TLL2: variants seen among roughly 807,000 people sequenced by gnomAD.
TLL2 encodes tolloid-like protein 2.
A neutral mutation model predicts 123.0 loss-of-function variants in TLL2; 106 were observed. The observed-to-expected ratio is 0.86, with a 90% CI of 0.74 to 1.01. The LOEUF is 1.01. Ranked by LOEUF, TLL2 falls within the 50% of genes least tolerant of loss-of-function variation. The pLI, the probability that TLL2 is intolerant of heterozygous loss-of-function variation, is 0.00. For missense variants in TLL2, 1,332 were observed against 1,336.7 expected (o/e 1.00, Z 0.06); for synonymous variants, 494 against 516.8 (o/e 0.96, Z 0.60).
intron 1 of TLL2, among the ~76,000 whole-genome samples, chr10:96,499,352 G>A (rs1213027182): frequency 6.6e-6 from 1 of 152,124 alleles, no homozygotes; most frequent in Non-Finnish European, 1.5e-5. Context: ...AGGTGGGGGT[G>A]GCTTCCTCCT....
At chr10:96,402,345 A>G (rs1387097255) in intron 10 of TLL2, among the ~76,000 whole-genome samples, 4 of 152,198 alleles carry the variant, frequency 2.6e-5, no homozygotes, top group Admixed American at 1.3e-4. Flanking sequence ...GCCCTTTTAT[A>G]TAAAGGTAAA....
chr10:96,468,354 C>G (rs1418806688), intron 2 of TLL2, among the ~76,000 whole-genome samples: 1 of 152,200 alleles, frequency 6.6e-6, no homozygotes, highest in Non-Finnish European at 1.5e-5. Context: ...ATGACAGAGG[C>G]TCCAGCAGGC....
intron 3 of TLL2, among the ~76,000 whole-genome samples, chr10:96,441,089 CT>C (rs1846846421): frequency 6.6e-6 from 1 of 152,206 alleles, no homozygotes; most frequent in South Asian, 2.1e-4. Context: ...GAGCCCTGTC[CT>C]CTCTGAAAGA....
At chr10:96,439,912 A>T (rs1846834902) in intron 3 of TLL2, among the ~76,000 whole-genome samples, 2 of 152,166 alleles carry the variant, frequency 1.3e-5, no homozygotes, top group African/African-American at 4.8e-5. Context: ...GCCAACTTTT[A>T]AAAATCAAGG....
At chr10:96,461,056 T>G (rs541212922) in intron 2 of TLL2, among the ~76,000 whole-genome samples, 1 of 152,198 alleles carries the variant, frequency 6.6e-6, no homozygotes, top group African/African-American at 2.4e-5. Flanking sequence ...GATAATCATA[T>G]AGAAGACGTT....
intron 2 of TLL2, among the ~76,000 whole-genome samples, chr10:96,447,438 A>T (rs1846906484): frequency 6.6e-6 from 1 of 152,220 alleles, no homozygotes; most frequent in Non-Finnish European, 1.5e-5. Context: ...CAAGTGTCCG[A>T]GTGAGACAGG....
At chr10:96,463,632 G>C (rs1360451475) in intron 2 of TLL2, among the ~76,000 whole-genome samples, 1 of 152,136 alleles carries the variant, frequency 6.6e-6, no homozygotes, top group East Asian at 1.9e-4. Context: ...AGGGGGAGGG[G>C]GACACTGGGG....
At chr10:96,477,663 C>T (rs1032894420) in intron 2 of TLL2, among the ~76,000 whole-genome samples, 2 of 152,166 alleles carry the variant, frequency 1.3e-5, no homozygotes, top group African/African-American at 4.8e-5. Flanking sequence ...TTTTCATCCT[C>T]GCAGCATTAC....
At chr10:96,435,035 C>CTTT (rs34593980) in intron 3 of TLL2, among the ~76,000 whole-genome samples, 2 of 130,450 alleles carry the variant, frequency 1.5e-5, no homozygotes, top group Non-Finnish European at 3.3e-5. Context: ...TTTTTTTTTT[C>CTTT]TTTTTTTTTT....
Position 96,365,631 on chromosome 10 carries a change from T to C in TLL2, c.*2457A>G, listed in dbSNP as rs536013127. On this transcript the variant is annotated 3_prime_UTR_variant, in exon 21 of 21. Coordinates refer to ENST00000357947, the MANE Select transcript of TLL2 (RefSeq NM_012465.4). Reference sequence around the variant, plus strand: ...TGCTTGCAGGCAGGTCACTGATAATTGGAAGCACCAAGGCAGAGGCCTGGG... The same window carrying C: ...TGCTTGCAGGCAGGTCACTGATAATCGGAAGCACCAAGGCAGAGGCCTGGG... 2 of 152,388 alleles carry C rather than the reference T, an allele frequency of 1.3e-5. No homozygotes were observed. The highest frequency in any genetic ancestry group is 3.9e-4 in the East Asian group (2 of 5,192). The allele number at this position is 152,388 out of a possible 1,614,324, so 9.4% of individuals were successfully genotyped here.
chr10:96,510,105 C>T (rs1321726046), intron 1 of TLL2, among the ~76,000 whole-genome samples: 8 of 152,230 alleles, frequency 5.3e-5, no homozygotes, highest in South Asian at 2.1e-4. Flanking sequence ...GTGAGTAAGG[C>T]GGGGCAGGGT....
Position 96,386,121 on chromosome 10 carries a change from C to T in TLL2, c.1947G>A (p.Gln649=). The stretch of plus-strand genomic sequence containing the variant: ...TCCGGTACTGAGCGGGGGCCACCAC[C>T]TGCCAGACACAGTTTTTGTTTGTGG... ...EYPTNKNCVW[Q]VVAPAQYRIS... Residue 649 remains glutamine, a synonymous_variant, in exon 15 of 21, where the codon CAG becomes CAA. Transcript: ENST00000357947. 6.2e-7 allele frequency: 1 copy of T among 1,613,156 alleles called. No individual in the cohort carries two copies. The highest frequency in any genetic ancestry group is 8.5e-7 in the Non-Finnish European group (1 of 1,179,558).
Position 96,413,426 on chromosome 10 carries a change from C to T in TLL2, c.924-110G>A, listed in dbSNP as rs1041261999. On this transcript the variant is annotated intron_variant, in intron 7 of 20. Coordinates refer to ENST00000357947, the MANE Select transcript of TLL2 (RefSeq NM_012465.4). The stretch of plus-strand genomic sequence containing the variant: ...CCATAACCCCATCAACATTCCTGCC[C>T]CCTGGCCAGCCTCTCCCAGGCTGGC... 1.4e-4 allele frequency: 192 copies of T among 1,353,914 alleles called. 1 individual carries two copies. The highest frequency in any genetic ancestry group is 3.7e-4 in the Admixed American group (15 of 40,688). 83.9% of individuals were successfully genotyped at this position (1,353,914 alleles called of 1,614,324 possible).
At chr10:96,450,264 G>A (rs1010387355) in intron 2 of TLL2, among the ~76,000 whole-genome samples, 2 of 151,922 alleles carry the variant, frequency 1.3e-5, no homozygotes, top group African/African-American at 4.8e-5. Flanking sequence ...CTCAACTGTT[G>A]GAAAAAAATT....
At chr10:96,457,487 C>T (rs1169249529) in intron 2 of TLL2, among the ~76,000 whole-genome samples, 1 of 152,214 alleles carries the variant, frequency 6.6e-6, no homozygotes, top group Non-Finnish European at 1.5e-5. Flanking sequence ...CCTTCCTTCA[C>T]AGAAACAACT....
chr10:96,456,722 GCTTACCAC>G (rs2134092091), intron 2 of TLL2, among the ~76,000 whole-genome samples: 1 of 152,296 alleles, frequency 6.6e-6, no homozygotes, highest in Non-Finnish European at 1.5e-5. Context: ...TCTGGCCAGG[GCTTACCAC>G]CTGCCTCAAA....
intron 1 of TLL2, among the ~76,000 whole-genome samples, chr10:96,505,905 G>A (rs141932094): frequency 6.6e-6 from 1 of 152,022 alleles, no homozygotes; most frequent in African/African-American, 2.4e-5. Context: ...ATACACAAAC[G>A]GACACTGAGG....
intron 11 of TLL2, 43 bp from the exon 12 acceptor site, chr10:96,396,063 C>T (rs1439561398): frequency 1.2e-6 from 2 of 1,604,602 alleles, no homozygotes; most frequent in South Asian, 1.1e-5. Flanking sequence ...GGGCCCTGGT[C>T]AGATCTTACT....
intron 1 of TLL2, among the ~76,000 whole-genome samples, chr10:96,496,036 T>C (rs1847471778): frequency 6.6e-6 from 1 of 152,200 alleles, no homozygotes; most frequent in African/African-American, 2.4e-5. Flanking sequence ...ATGAGGAAAC[T>C]GGGGTCCAAG....
Sources: allele counts gnomAD v4.1 joint callset (sites outside exome capture counted in the v4.1 genomes callset), GRCh38; gene constraint gnomAD v4.1.1; transcripts MANE v1.5; gene names NCBI Gene and HGNC (gene_info 2026-07-23, HGNC 2026-07-21).